MTREX: variants seen among roughly 807,000 people sequenced by gnomAD.
MTREX encodes exosome RNA helicase MTR4.
In MTREX, 76 loss-of-function variants were observed where a neutral mutation model predicts 135.4. That is an observed-to-expected ratio of 0.56 (90% CI 0.47 to 0.68). MTREX has a LOEUF of 0.68. MTREX is among the 30% of genes least tolerant of loss of function. MTREX has a pLI of 0.00. For synonymous variants in MTREX, 404 were observed against 401.6 expected, an observed-to-expected ratio of 1.01 and a Z score of -0.07; for missense variants, 920 against 1,262.1, an observed-to-expected ratio of 0.73 and a Z score of 4.11.
intron 6 of MTREX, 82 bp downstream of exon 6, chr5:55,340,266 T>C (rs1164441738): frequency 1.7e-5 from 19 of 1,110,132 alleles, no homozygotes; most frequent in African/African-American, 3.2e-5. Context: ...GGAAGTTTTA[T>C]TGGTTGCTCT....
chr5:55,312,416 T>C (rs531968953), intron 1 of MTREX, among the ~76,000 whole-genome samples: 63 of 151,646 alleles, frequency 4.2e-4, no homozygotes, highest in South Asian at 1.5e-3. Flanking sequence ...TCTTCTTCTT[T>C]TTTTTTTTAA....
intron 16 of MTREX, among the ~76,000 whole-genome samples, chr5:55,377,096 G>A (rs1414137808): frequency 5.3e-5 from 8 of 152,052 alleles, no homozygotes; most frequent in Admixed American, 1.3e-4. Context: ...TTGGGAGGCC[G>A]AGGCGGGTGG....
intron 6 of MTREX, among the ~76,000 whole-genome samples, chr5:55,341,279 G>GT (rs1177781813): frequency 6.6e-6 from 1 of 152,160 alleles, no homozygotes; most frequent in Non-Finnish European, 1.5e-5. Flanking sequence ...ATGATCCAGT[G>GT]TTTTGAATAG....
intron 13 of MTREX, 27 bp downstream of exon 13, chr5:55,351,056 C>A: frequency 5.7e-6 from 9 of 1,570,522 alleles, no homozygotes; most frequent in Non-Finnish European, 7.7e-6. Context: ...ATTTTTTATG[C>A]CCCCATATCA....
intron 25 of MTREX, among the ~76,000 whole-genome samples, chr5:55,418,996 A>G (rs1463999964): frequency 6.6e-6 from 1 of 152,156 alleles, no homozygotes; most frequent in Non-Finnish European, 1.5e-5. Context: ...AGCATGTACC[A>G]CCATGCCCAG....
chr5:55,355,467 T>A (rs566529247), intron 14 of MTREX, among the ~76,000 whole-genome samples: 2 of 152,248 alleles, frequency 1.3e-5, no homozygotes, highest in African/African-American at 4.8e-5. Flanking sequence ...GGGGATGGAA[T>A]GGACATCCAA....
intron 19 of MTREX, among the ~76,000 whole-genome samples, chr5:55,390,588 T>G (rs1257154641): frequency 6.6e-6 from 1 of 152,206 alleles, no homozygotes; most frequent in Non-Finnish European, 1.5e-5. Flanking sequence ...GTTTTGACAC[T>G]GTTGCTTTGC....
chr5:55,316,061 A>G (rs1044071158), intron 1 of MTREX, among the ~76,000 whole-genome samples: 5 of 152,166 alleles, frequency 3.3e-5, no homozygotes, highest in African/African-American at 1.2e-4. Flanking sequence ...TCTTGGACAC[A>G]TACACCCTCC....
chr5:55,376,980 A>G (rs934616285), intron 16 of MTREX, among the ~76,000 whole-genome samples: 17 of 152,026 alleles, frequency 1.1e-4, no homozygotes, highest in African/African-American at 3.9e-4. Flanking sequence ...CTGAGGCAGG[A>G]GAATCACTTA....
chr5:55,386,720 CAG>C (rs765083737), intron 18 of MTREX, among the ~76,000 whole-genome samples: 14 of 152,246 alleles, frequency 9.2e-5, no homozygotes, highest in Admixed American at 7.2e-4. Flanking sequence ...AATCCAACAA[CAG>C]AGTTATCTAG....
chr5:55,312,393 C>T (rs542967775), intron 1 of MTREX, among the ~76,000 whole-genome samples: 1 of 151,482 alleles, frequency 6.6e-6, no homozygotes, highest in East Asian at 1.9e-4. Context: ...ATATTTACTC[C>T]TTTGCACTTA....
At chr5:55,309,533 T>C (rs574003006) in intron 1 of MTREX, among the ~76,000 whole-genome samples, 6 of 152,050 alleles carry the variant, frequency 3.9e-5, no homozygotes, top group Admixed American at 3.9e-4. Flanking sequence ...CCTTCATTAA[T>C]TAAGGAAAAC....
At chr5:55,368,217 A>AG (rs1280276101) in intron 16 of MTREX, among the ~76,000 whole-genome samples, 14 of 152,116 alleles carry the variant, frequency 9.2e-5, no homozygotes, top group Admixed American at 7.2e-4. Context: ...TGCGAGGCCC[A>AG]GGGGGGCAGA....
chr5:55,316,346 G>A (rs951736219), intron 1 of MTREX, among the ~76,000 whole-genome samples: 2 of 151,868 alleles, frequency 1.3e-5, no homozygotes, highest in Non-Finnish European at 2.9e-5. Flanking sequence ...AAAACTTCAG[G>A]CCACTATCCT....
intron 15 of MTREX, among the ~76,000 whole-genome samples, chr5:55,362,274 A>C (rs920161252): frequency 6.6e-6 from 1 of 151,932 alleles, no homozygotes; most frequent in African/African-American, 2.4e-5. Context: ...AACCTTTTCA[A>C]CTTTTCCAGT....
chr5:55,314,735 T>C (rs905991341), intron 1 of MTREX, among the ~76,000 whole-genome samples: 2 of 152,216 alleles, frequency 1.3e-5, no homozygotes, highest in Non-Finnish European at 2.9e-5. Flanking sequence ...CCAACCTTTT[T>C]AGCACCAGGG....
intron 20 of MTREX, among the ~76,000 whole-genome samples, chr5:55,399,054 G>A (rs760049376): frequency 1.8e-4 from 28 of 152,112 alleles, no homozygotes; most frequent in Non-Finnish European, 2.9e-4. Flanking sequence ...TGTTTTCTCT[G>A]TTCTGGAACC....
intron 25 of MTREX, 78 bp from the exon 26 acceptor site, chr5:55,422,798 TCC>T: frequency 9.6e-7 from 1 of 1,042,988 alleles, no homozygotes. Flanking sequence ...TCGTGTGTTC[TCC>T]TGCCTTGCCT....
At chr5:55,321,999 C>T (rs1237643358) in intron 1 of MTREX, among the ~76,000 whole-genome samples, 2 of 152,078 alleles carry the variant, frequency 1.3e-5, no homozygotes, top group African/African-American at 4.8e-5. Context: ...TTAGAGAAAG[C>T]ATTAAATGTT....
Sources: gnomAD v4.1 joint callset for allele counts (sites outside exome capture counted in the v4.1 genomes callset) on GRCh38, gnomAD v4.1.1 for gene constraint, MANE v1.5 for transcripts, NCBI Gene and HGNC (gene_info 2026-07-23, HGNC 2026-07-21) for gene names.